Variants in ERC2 observed in about 807,000 individuals in gnomAD.
The protein encoded by ERC2 is ELKS/RAB6-interacting/CAST family member 2.
In ERC2, 42 loss-of-function variants were observed where a neutral mutation model predicts 114.8. The observed-to-expected ratio is 0.37, with a 90% confidence interval of 0.29 to 0.47. The LOEUF (loss-of-function observed/expected upper bound fraction) is 0.47. Ranked by LOEUF, ERC2 falls within the 20% of genes least tolerant of loss-of-function variation. The pLI is 0.99. For synonymous variants in ERC2, 454 were observed against 425.5 expected (o/e 1.07, Z -0.82); for missense variants, 939 against 1,150.7 (o/e 0.82, Z 2.66).
chr3:55,744,211 T>C (rs1010501129), intron 14 of ERC2, among the ~76,000 whole-genome samples: 11 of 152,112 alleles, frequency 7.2e-5, no homozygotes, highest in Non-Finnish European at 1.6e-4. Flanking sequence ...GAGACCAACC[T>C]GGCCAACATG....
At chr3:56,013,312 C>A (rs2073086328) in intron 8 of ERC2, among the ~76,000 whole-genome samples, 1 of 152,188 alleles carries the variant, frequency 6.6e-6, no homozygotes, top group African/African-American at 2.4e-5. Flanking sequence ...CTTAAAAATT[C>A]ATGAGTTTTT....
rs1279341241 is a variant in ERC2 at position 55,959,820 on chromosome 3, T to C, written c.2268-9260A>G. 5.3e-5 allele frequency among the ~76,000 whole-genome samples: 8 copies of C among 152,346 alleles called. No homozygotes were observed. In the East Asian group the frequency reaches 1.5e-3, roughly 29 times the overall value. On this transcript the variant is annotated intron_variant, in intron 12 of 17. Coordinates refer to ENST00000288221, the MANE Select transcript of ERC2 (RefSeq NM_015576.3). The stretch of plus-strand genomic sequence containing the variant: ...TTGTCACAGTACATCGCTCTCACTG[T>C]AGACTAGACTATATGCTCCGGATTC...
At chr3:55,756,517 G>A (rs1321739548) in intron 14 of ERC2, among the ~76,000 whole-genome samples, 14 of 152,094 alleles carry the variant, frequency 9.2e-5, no homozygotes, top group Non-Finnish European at 1.8e-4. Flanking sequence ...CTGTTTTTCC[G>A]GTTAGTTTAT....
intron 7 of ERC2, among the ~76,000 whole-genome samples, chr3:56,079,834 G>C (rs896531251): frequency 4.6e-5 from 7 of 152,122 alleles, no homozygotes; most frequent in African/African-American, 1.4e-4. Context: ...GTTAAGAATA[G>C]GCTGTAGGAA....
At chr3:55,714,050 G>T (rs1194888157) in intron 15 of ERC2, among the ~76,000 whole-genome samples, 1 of 152,130 alleles carries the variant, frequency 6.6e-6, no homozygotes, top group African/African-American at 2.4e-5. Flanking sequence ...TCAATTTAAA[G>T]ACTTATTTTG....
intron 14 of ERC2, among the ~76,000 whole-genome samples, chr3:55,830,448 G>A (rs554666523): frequency 1.3e-3 from 192 of 152,242 alleles, no homozygotes; most frequent in African/African-American, 4.1e-3. Context: ...TTCAAACTAC[G>A]TATGATTGCT....
chr3:55,754,511 G>T (rs1019211429), intron 14 of ERC2, among the ~76,000 whole-genome samples: 1 of 74,266 alleles, frequency 1.3e-5, no homozygotes, highest in Non-Finnish European at 3.5e-5. Context: ...TTTCTGCAAA[G>T]GATTAAAGAA....
intron 13 of ERC2, among the ~76,000 whole-genome samples, chr3:55,892,476 T>C (rs530073438): frequency 6.6e-6 from 1 of 152,298 alleles, no homozygotes; most frequent in South Asian, 2.1e-4. Context: ...TGAGCTGTGA[T>C]TATGCCACTG....
intron 17 of ERC2, among the ~76,000 whole-genome samples, chr3:55,642,005 T>A (rs909731418): frequency 1.3e-5 from 2 of 152,224 alleles, no homozygotes; most frequent in Non-Finnish European, 2.9e-5. Context: ...GGTGGAGACA[T>A]GCAATGTTCC....
chr3:55,517,209 G>T (rs970953920), intron 17 of ERC2, among the ~76,000 whole-genome samples: 1 of 152,146 alleles, frequency 6.6e-6, no homozygotes, highest in Non-Finnish European at 1.5e-5. Flanking sequence ...GGGAGGCAGA[G>T]GCGGGCGGAT....
At position 56,246,628 on chromosome 3, in the gene ERC2, G is replaced by A. The variant is rs988423511; in HGVS notation, c.1074+49391C>T. On this transcript the variant is annotated intron_variant, in intron 3 of 17. Transcript: ENST00000288221. ...AGATAAGTGTCTTGTCTAAGGCCAC[G>A]CTGCTGCTAAGTGGCAGAATGATGT... is the stretch of plus-strand genomic sequence containing the variant. Among the ~76,000 whole-genome samples, 5 of 152,212 alleles carry A rather than the reference G, an allele frequency of 3.3e-5. No homozygotes were observed. The South Asian group carries it at 8.4e-4, about 26-fold the overall frequency.
chr3:56,277,060 G>A (rs1332343236), intron 3 of ERC2, among the ~76,000 whole-genome samples: 2 of 152,188 alleles, frequency 1.3e-5, no homozygotes, highest in Non-Finnish European at 2.9e-5. Context: ...CCTCCCATGA[G>A]AGTCTCTATC....
chr3:56,173,784 A>T (rs2082816315), intron 3 of ERC2: 1 of 448,752 alleles, frequency 2.2e-6, no homozygotes, highest in African/African-American at 2.0e-5. Context: ...AAGTAATCAT[A>T]GTCCAAATAC....
At chr3:56,273,715 C>T (rs2053812841) in intron 3 of ERC2, among the ~76,000 whole-genome samples, 3 of 152,130 alleles carry the variant, frequency 2.0e-5, no homozygotes, top group African/African-American at 7.2e-5. Context: ...GCAGGGCTGC[C>T]ACTAGCCCAT....
rs1172994980 is a variant in ERC2, at chr3:55,930,920, C to A, written c.2403+19505G>T. 3.9e-5 allele frequency among the ~76,000 whole-genome samples: 6 copies of A among 151,992 alleles called. No homozygotes were observed. The South Asian group carries it at 1.0e-3, about 26-fold the overall frequency. ...AACAAATTTACAGGAAAAAAAACAA[C>A]CCCAACAAAATGTGGGTGAAGGATA... On this transcript the variant is annotated intron_variant, in intron 13 of 17. Coordinates refer to ENST00000288221, the MANE Select transcript of ERC2 (RefSeq NM_015576.3).
At chr3:56,349,912 CAA>C (rs35271051) in intron 2 of ERC2, among the ~76,000 whole-genome samples, 2 of 125,216 alleles carry the variant, frequency 1.6e-5, no homozygotes. Flanking sequence ...GACTCCGTCT[CAA>C]AAAAAAAAAA....
chr3:55,812,247 C>T (rs921520748), intron 14 of ERC2, among the ~76,000 whole-genome samples: 1 of 152,182 alleles, frequency 6.6e-6, no homozygotes, highest in Non-Finnish European at 1.5e-5. Flanking sequence ...AGCAAGGTAC[C>T]TTCTCCCATA....
chr3:55,670,920 G>T (rs1189008231), intron 17 of ERC2, among the ~76,000 whole-genome samples: 3 of 152,110 alleles, frequency 2.0e-5, no homozygotes, highest in Admixed American at 2.0e-4. Flanking sequence ...GTTTACAGTG[G>T]AACACAGCCA....
intron 3 of ERC2, among the ~76,000 whole-genome samples, chr3:56,246,560 C>T (rs2051725038): frequency 1.3e-5 from 2 of 152,062 alleles, no homozygotes; most frequent in South Asian, 4.2e-4. Flanking sequence ...TAACTCAATC[C>T]TCACAATGAC....
Sources: gnomAD v4.1 joint callset for allele counts (sites outside exome capture counted in the v4.1 genomes callset) on GRCh38, gnomAD v4.1.1 for gene constraint, MANE v1.5 for transcripts, NCBI Gene and HGNC (gene_info 2026-07-23, HGNC 2026-07-21) for gene names.